Variants in LUZP1 observed in about 807,000 individuals in gnomAD.
LUZP1 encodes the protein filamin mechanobinding actin cross-linking protein.
In LUZP1, 25 loss-of-function variants were observed where a neutral mutation model predicts 71.3. The observed-to-expected ratio is 0.35, with a 90% CI of 0.26 to 0.49. The LOEUF (loss-of-function observed/expected upper bound fraction) is 0.49. Ranked by LOEUF, LUZP1 falls within the 20% of genes least tolerant of loss-of-function variation. The pLI is 0.99. For missense variants in LUZP1, 1,142 were observed against 1,300.8 expected (o/e 0.88, Z 1.88); for synonymous variants, 481 against 506.4 (o/e 0.95, Z 0.67).
exon 5 of LUZP1, chr1:23,088,645 A>C: frequency 2.4e-6 from 1 of 413,750 alleles, no homozygotes. Context: ...TACTTGGTGG[A>C]CAGGGACAAG....
intron 2 of LUZP1, among the ~76,000 whole-genome samples, chr1:23,167,984 T>TC (rs1239096212): frequency 6.7e-6 from 1 of 150,184 alleles, no homozygotes; most frequent in Non-Finnish European, 1.5e-5. Context: ...CTCGCCGGCG[T>TC]CCCCCTGCAG....
At chr1:23,174,100 A>G (rs182439265) in intron 1 of LUZP1, among the ~76,000 whole-genome samples, 219 of 152,258 alleles carry the variant, frequency 1.4e-3, no homozygotes, top group African/African-American at 4.9e-3. Context: ...AGATTATGGA[A>G]GCAGAGAAGT....
intron 2 of LUZP1, chr1:23,141,106 C>G (rs1318664473): frequency 1.3e-5 from 2 of 152,378 alleles, no homozygotes; most frequent in African/African-American, 4.8e-5. Context: ...CACCCCTCTA[C>G]TCTGACCAGG....
chr1:23,110,635 T>TACACACACACACACACAC (rs1553137224), intron 2 of LUZP1, among the ~76,000 whole-genome samples: 17 of 41,846 alleles, frequency 4.1e-4, no homozygotes, highest in African/African-American at 1.1e-3. Flanking sequence ...CGCGCACACA[T>TACACACACACACACACAC]ACACACACAC....
rs534323344 is a variant in LUZP1 at position 23,160,599 on chromosome 1, A to C, written c.-226+8167T>G. On this transcript the variant is annotated intron_variant, in intron 2 of 4. Transcript: ENST00000302291. ...TAGAGAAAATACTAAGCAGGATTCT[A>C]ATAAAAAGAATCCAAGTTAATAAGC... Among the ~76,000 whole-genome samples, 5 of 152,346 alleles carry C rather than the reference A, an allele frequency of 3.3e-5. No homozygotes were observed. The East Asian group carries it at 7.7e-4, about 23-fold the overall frequency.
At chr1:23,149,172 T>C (rs1023020235) in intron 2 of LUZP1, among the ~76,000 whole-genome samples, 3 of 150,828 alleles carry the variant, frequency 2.0e-5, no homozygotes, top group African/African-American at 7.3e-5. Context: ...TTACTTGTTA[T>C]AGATTTAACC....
intron 3 of LUZP1, among the ~76,000 whole-genome samples, chr1:23,108,332 A>G (rs1318449801): frequency 6.6e-6 from 1 of 152,214 alleles, no homozygotes; most frequent in Non-Finnish European, 1.5e-5. Context: ...ATAACCCACT[A>G]GGGTGGTGGC....
chr1:23,111,155 G>A (rs1181026055), intron 2 of LUZP1, among the ~76,000 whole-genome samples: 4 of 145,780 alleles, frequency 2.7e-5, no homozygotes, highest in Admixed American at 2.1e-4. Context: ...AGCCCAGATC[G>A]CGCCACTGCA....
downstream of LUZP1, chr1:23,083,778 G>GTAA (rs1332461302): frequency 1.3e-5 from 2 of 154,710 alleles, no homozygotes; most frequent in East Asian, 1.9e-4. Context: ...TATGGCAATA[G>GTAA]TAATACATGT....
At chr1:23,143,388 C>G (rs1644320105) in intron 2 of LUZP1, among the ~76,000 whole-genome samples, 1 of 152,114 alleles carries the variant, frequency 6.6e-6, no homozygotes, top group African/African-American at 2.4e-5. Flanking sequence ...TTCAGATATA[C>G]TAAGGAAATA....
At chr1:23,117,777 C>G (rs999941899) in intron 2 of LUZP1, among the ~76,000 whole-genome samples, 5 of 152,008 alleles carry the variant, frequency 3.3e-5, no homozygotes, top group South Asian at 2.1e-4. Flanking sequence ...ACATGTCTCA[C>G]GTCAAAGTCT....
At chr1:23,138,514 A>G (rs1237042114) in intron 2 of LUZP1, among the ~76,000 whole-genome samples, 2 of 152,118 alleles carry the variant, frequency 1.3e-5, no homozygotes, top group African/African-American at 4.8e-5. Flanking sequence ...ACGGAGAGTG[A>G]CTGCTAATGA....
intron 2 of LUZP1, among the ~76,000 whole-genome samples, chr1:23,154,550 C>CTT (rs202217560): frequency 2.3e-3 from 332 of 147,074 alleles, no homozygotes; most frequent in Non-Finnish European, 3.9e-3. Context: ...TTTTTCTTTT[C>CTT]TTTTTTTTTT....
At chr1:23,141,023 G>A (rs1024869085) in intron 2 of LUZP1, 4 of 152,390 alleles carry the variant, frequency 2.6e-5, no homozygotes, top group African/African-American at 9.7e-5. Flanking sequence ...GGTCCTCCTG[G>A]AGCTGTACGG....
At chr1:23,096,279 C>T (rs992376780) in intron 3 of LUZP1, among the ~76,000 whole-genome samples, 1 of 151,956 alleles carries the variant, frequency 6.6e-6, no homozygotes, top group Non-Finnish European at 1.5e-5. Context: ...AAGAGAGATA[C>T]GTAATTACAA....
At chr1:23,122,554 A>G (rs933313888) in intron 2 of LUZP1, among the ~76,000 whole-genome samples, 1 of 152,238 alleles carries the variant, frequency 6.6e-6, no homozygotes, top group African/African-American at 2.4e-5. Context: ...AGGCAGTACT[A>G]AAAGTTAGAA....
intron 1 of LUZP1, among the ~76,000 whole-genome samples, chr1:23,175,979 A>G (rs544301847): frequency 2.6e-4 from 40 of 152,100 alleles, no homozygotes; most frequent in Non-Finnish European, 5.0e-4. Context: ...TAACCCAGGA[A>G]TGCCTGAGTA....
intron 2 of LUZP1, among the ~76,000 whole-genome samples, chr1:23,139,019 A>AATATATATATATATATATATAT (rs1225155907): frequency 1.7e-5 from 1 of 59,950 alleles, no homozygotes; most frequent in African/African-American, 9.3e-5. Flanking sequence ...AAAAAAAAAA[A>AATATATATATATATATATATAT]ATATATATAT....
intron 2 of LUZP1, among the ~76,000 whole-genome samples, chr1:23,111,812 C>G (rs138932188): frequency 0.018 from 2,774 of 151,946 alleles, 37 homozygotes; most frequent in Middle Eastern, 0.054. Flanking sequence ...ACACCGCCCC[C>G]CCACACACAC....
Sources: gnomAD v4.1 joint callset for allele counts (sites outside exome capture counted in the v4.1 genomes callset) on GRCh38, gnomAD v4.1.1 for gene constraint, MANE v1.5 for transcripts, NCBI Gene and HGNC (gene_info 2026-07-23, HGNC 2026-07-21) for gene names.